Variants in ITPKB observed in about 807,000 individuals in gnomAD.
The protein encoded by ITPKB is IP3 3-kinase B.
A neutral mutation model predicts 69.4 loss-of-function variants in ITPKB; 13 were observed. The observed-to-expected ratio is 0.19, with a 90% CI of 0.12 to 0.30. The LOEUF is 0.30. Among genes scored for constraint, ITPKB ranks in the 10% least tolerant of loss-of-function variants. The pLI, the probability that ITPKB is intolerant of heterozygous loss-of-function variation, is 1.00. For synonymous variants in ITPKB, 584 were observed against 513.7 expected, an observed-to-expected ratio of 1.14 and a Z score of -1.85; for missense variants, 1,240 against 1,250.5, an observed-to-expected ratio of 0.99 and a Z score of 0.13.
Position 226,735,497 on chromosome 1 carries a change from G to A in ITPKB, c.1932+30C>T, listed in dbSNP as rs1657718041. 2.7e-6 allele frequency: 4 copies of A among 1,480,932 alleles called. No individual in the cohort carries two copies. The South Asian group carries it at 4.4e-5, about 16-fold the overall frequency. The allele number at this position is 1,480,932 out of a possible 1,614,324, so 91.7% of individuals were successfully genotyped here. On this transcript the variant is annotated intron_variant, in intron 2 of 7. Transcript: ENST00000429204. The stretch of plus-strand genomic sequence containing the variant: ...CAAAAGTCTGCTGAAATCAGCATGA[G>A]TTCTGGGCAAATCTCAGAGCAAGAC...
At chr1:226,716,804 G>T (rs969282867) in intron 2 of ITPKB, among the ~76,000 whole-genome samples, 39 of 152,188 alleles carry the variant, frequency 2.6e-4, no homozygotes, top group Admixed American at 5.2e-4. Flanking sequence ...AAAGCCTGTG[G>T]TCATCTGTCT....
intron 6 of ITPKB, among the ~76,000 whole-genome samples, chr1:226,638,919 A>G (rs2102738812): frequency 6.6e-6 from 1 of 152,056 alleles, no homozygotes; most frequent in East Asian, 1.9e-4. Flanking sequence ...AGAGTCAGTG[A>G]GTGTCCGCCA....
intron 2 of ITPKB, among the ~76,000 whole-genome samples, chr1:226,723,435 G>A (rs1466460020): frequency 6.6e-6 from 1 of 152,104 alleles, no homozygotes; most frequent in Non-Finnish European, 1.5e-5. Context: ...GTGTTAATAA[G>A]CACGTGCCTG....
chr1:226,673,036 C>T (rs1469715349), intron 2 of ITPKB, among the ~76,000 whole-genome samples: 2 of 152,120 alleles, frequency 1.3e-5, no homozygotes, highest in African/African-American at 4.8e-5. Context: ...CTCTAAAATG[C>T]ACCGAGTGTA....
At chr1:226,710,079 T>C (rs1190307624) in intron 2 of ITPKB, among the ~76,000 whole-genome samples, 1 of 152,158 alleles carries the variant, frequency 6.6e-6, no homozygotes, top group Non-Finnish European at 1.5e-5. Flanking sequence ...CTGTCTTCCC[T>C]GCCCCTGTCT....
At chr1:226,674,998 C>T (rs1466730347) in intron 2 of ITPKB, 2 of 150,030 alleles carry the variant, frequency 1.3e-5, no homozygotes, top group Non-Finnish European at 2.9e-5. Flanking sequence ...CAAGGTGACT[C>T]CACGAGAACT....
At chr1:226,696,292 C>CAT (rs1013895035) in intron 2 of ITPKB, among the ~76,000 whole-genome samples, 4 of 151,784 alleles carry the variant, frequency 2.6e-5, no homozygotes, top group South Asian at 2.1e-4. Context: ...TATATACACA[C>CAT]ATATATATAC....
At chr1:226,639,917 C>T (rs1235669403) in intron 5 of ITPKB, among the ~76,000 whole-genome samples, 3 of 152,164 alleles carry the variant, frequency 2.0e-5, no homozygotes, top group Non-Finnish European at 4.4e-5. Flanking sequence ...AGGAAAGGCC[C>T]GGAGGTGTGA....
At chr1:226,659,252 C>G (rs1199610150) in intron 2 of ITPKB, among the ~76,000 whole-genome samples, 1 of 152,170 alleles carries the variant, frequency 6.6e-6, no homozygotes, top group Non-Finnish European at 1.5e-5. Context: ...TCCTCTTCCA[C>G]CATAAGCCCT....
intron 2 of ITPKB, among the ~76,000 whole-genome samples, chr1:226,728,090 A>G (rs1009972091): frequency 6.6e-6 from 1 of 152,196 alleles, no homozygotes; most frequent in Non-Finnish European, 1.5e-5. Flanking sequence ...GGGAAAAAAA[A>G]CATCTCCTCC....
At chr1:226,701,347 G>A (rs1656631465) in intron 2 of ITPKB, among the ~76,000 whole-genome samples, 4 of 152,158 alleles carry the variant, frequency 2.6e-5, no homozygotes, top group South Asian at 2.1e-4. Flanking sequence ...GCTCACGCCT[G>A]TAATCCCAGC....
chr1:226,719,006 G>A (rs1657163968), intron 2 of ITPKB, among the ~76,000 whole-genome samples: 1 of 152,226 alleles, frequency 6.6e-6, no homozygotes, highest in Non-Finnish European at 1.5e-5. Context: ...CCGGCACGAT[G>A]GCTCGTGCCT....
chr1:226,648,155 G>A (rs957918553), intron 3 of ITPKB, among the ~76,000 whole-genome samples: 4 of 152,268 alleles, frequency 2.6e-5, no homozygotes, highest in East Asian at 1.9e-4. Flanking sequence ...ACCGCACACC[G>A]CCCTGCAGTT....
chr1:226,737,824 T>C (rs955568356), intron 1 of ITPKB, among the ~76,000 whole-genome samples, 161 bp from the exon 2 acceptor site: 3 of 152,108 alleles, frequency 2.0e-5, no homozygotes, highest in Non-Finnish European at 4.4e-5. Flanking sequence ...GGCGAGGGCA[T>C]GCCCCGGCTG....
intron 2 of ITPKB, among the ~76,000 whole-genome samples, chr1:226,703,576 G>C (rs1481626184): frequency 1.3e-5 from 2 of 152,190 alleles, no homozygotes; most frequent in African/African-American, 4.8e-5. Flanking sequence ...GGGAGGGGGC[G>C]CCGTCTCCCG....
intron 2 of ITPKB, among the ~76,000 whole-genome samples, chr1:226,665,261 C>A (rs1169265677): frequency 6.6e-6 from 1 of 152,200 alleles, no homozygotes; most frequent in East Asian, 1.9e-4. Context: ...CCCCTGGTGG[C>A]ATTTGAGTTT....
Position 226,736,229 on chromosome 1 carries a change from G to A in ITPKB, c.1230C>T (p.Ser410=), listed in dbSNP as rs200121771. Residue 410 remains serine, a synonymous_variant, in exon 2 of 8, where the codon AGC becomes AGT. Coordinates refer to ENST00000429204, the MANE Select transcript of ITPKB (RefSeq NM_002221.4). ...VQSAESSDSL[S]WSRLPRALAS... is the part of the protein sequence containing the mutation. ...CCAGGGCCCTGGGCAGCCTGGACCA[G>A]CTCAGGGAATCAGAGGACTCTGCGC... 16 of 1,542,408 alleles carry A rather than the reference G, an allele frequency of 1.0e-5. No individual in the cohort carries two copies. The highest frequency in any genetic ancestry group is 4.1e-5 in the Admixed American group (2 of 49,164).
rs372122163 is a variant in ITPKB at position 226,710,135 on chromosome 1, A to G, written c.1932+25392T>C. Among the ~76,000 whole-genome samples the G allele has an allele frequency of 2.6e-5, 4 of 152,116 alleles. No homozygotes were observed. In the East Asian group the frequency reaches 7.7e-4, roughly 29 times the overall value. On this transcript the variant is annotated intron_variant, in intron 2 of 7. Coordinates refer to ENST00000429204, the MANE Select transcript of ITPKB (RefSeq NM_002221.4). Reference sequence around the variant, plus strand: ...CTCCTTCAGAAGGTGCCGTGCTAACAGGTAGCATTGGAAAAGAAGTCTGGG... The same window carrying G: ...CTCCTTCAGAAGGTGCCGTGCTAACGGGTAGCATTGGAAAAGAAGTCTGGG...
chr1:226,677,090 G>A (rs1669748047), intron 2 of ITPKB, among the ~76,000 whole-genome samples: 1 of 152,130 alleles, frequency 6.6e-6, no homozygotes, highest in African/African-American at 2.4e-5. Flanking sequence ...AATTTGAAAC[G>A]CCGTCCTAAG....
Sources: allele counts gnomAD v4.1 joint callset (sites outside exome capture counted in the v4.1 genomes callset), GRCh38; gene constraint gnomAD v4.1.1; transcripts MANE v1.5; gene names NCBI Gene and HGNC (gene_info 2026-07-23, HGNC 2026-07-21).